The following ZNF718 variants were observed in gnomAD, a reference collection of about 807,000 sequenced individuals.
The protein encoded by ZNF718 is zinc finger protein 718.
In ZNF718, 3 loss-of-function variants were observed where a neutral mutation model predicts 2.6. The observed-to-expected ratio is 1.16, with a 90% confidence interval of 0.53 to 3.01. ZNF718 has a LOEUF of 3.01. Ranked by LOEUF, ZNF718 falls within the 30% of genes most tolerant of loss-of-function variation. The pLI, the probability that ZNF718 is intolerant of heterozygous loss-of-function variation, is 0.03. For missense variants in ZNF718, 468 were observed against 230.0 expected (o/e 2.03, Z -6.69); for synonymous variants, 135 against 77.9 (o/e 1.73, Z -3.86).
At chr4:170,547 C>A (rs929844548) in intron 3 of ZNF718, among the ~76,000 whole-genome samples, 1 of 151,848 alleles carries the variant, frequency 6.6e-6, no homozygotes, top group Non-Finnish European at 1.5e-5. Context: ...TTGTTTGTTT[C>A]TTTTTATTCT....
chr4:153,743 A>G (rs1716441188), intron 3 of ZNF718, among the ~76,000 whole-genome samples: 1 of 152,216 alleles, frequency 6.6e-6, no homozygotes, highest in Admixed American at 6.5e-5. Context: ...GCTCAACACA[A>G]GAAGGGCCAC....
intron 3 of ZNF718, among the ~76,000 whole-genome samples, chr4:198,575 A>G (rs1332166129): frequency 5.9e-5 from 9 of 152,182 alleles, no homozygotes; most frequent in African/African-American, 1.4e-4. Flanking sequence ...GGGAAGGGAA[A>G]GTTACCAGGA....
intron 3 of ZNF718, among the ~76,000 whole-genome samples, chr4:187,271 A>G (rs1044979013): frequency 6.6e-6 from 1 of 151,882 alleles, no homozygotes; most frequent in Non-Finnish European, 1.5e-5. Flanking sequence ...CTGTAGCCCA[A>G]GCTGGAGTGC....
At chr4:175,689 T>A (rs2108811691) in intron 3 of ZNF718, among the ~76,000 whole-genome samples, 1 of 152,296 alleles carries the variant, frequency 6.6e-6, no homozygotes, top group South Asian at 2.1e-4. Flanking sequence ...TTTTGATGTT[T>A]ATATTACAAG....
At chr4:182,382 A>C (rs1193144630) in intron 3 of ZNF718, among the ~76,000 whole-genome samples, 1 of 151,480 alleles carries the variant, frequency 6.6e-6, no homozygotes, top group Non-Finnish European at 1.5e-5. Context: ...ATGATATCTC[A>C]TTGTAGTTTT....
intron 3 of ZNF718, among the ~76,000 whole-genome samples, chr4:178,623 T>C (rs1242342548): frequency 6.6e-6 from 1 of 152,198 alleles, no homozygotes; most frequent in African/African-American, 2.4e-5. Flanking sequence ...GGGATTTTGC[T>C]TTGCATTTCT....
At chr4:135,610 C>G (rs575719535) in intron 3 of ZNF718, among the ~76,000 whole-genome samples, 2 of 151,538 alleles carry the variant, frequency 1.3e-5, no homozygotes, top group Admixed American at 6.6e-5. Flanking sequence ...CCCAGCTTGA[C>G]GGTTTAGCTT....
At position 161,587 on chromosome 4, in the gene ZNF718, A is replaced by G. The variant is rs782020741; in HGVS notation, c.902A>G (p.His301Arg). Residue 301 changes from histidine to arginine, a missense_variant, in exon 4 of 4, where the codon CAT (histidine) becomes CGT (arginine). His to Arg is a conservative substitution (Grantham distance 29). Transcript: ENST00000510175. ...AAGTGGTCCTCATCCCTTAATGAAC[A>G]TAAGAGAATTCATGCTGGAGAGAAA... The part of the protein sequence containing the change: ...AFKWSSSLNE[H>R]KRIHAGEKPF... 2.6e-6 allele frequency: 2 copies of G among 780,928 alleles called. No homozygotes were observed. The highest frequency in any genetic ancestry group is 1.7e-5 in the Admixed American group (1 of 59,022). The allele number at this position is 780,928 out of a possible 1,614,324, so 48.4% of individuals were successfully genotyped here.
At chr4:147,737 G>A (rs990234884) in intron 3 of ZNF718, among the ~76,000 whole-genome samples, 33 of 152,120 alleles carry the variant, frequency 2.2e-4, no homozygotes, top group Admixed American at 1.6e-3. Context: ...GGCAGTGTGC[G>A]CCTGTAGCCC....
chr4:188,127 C>T (rs971995432), intron 3 of ZNF718, among the ~76,000 whole-genome samples: 3 of 152,222 alleles, frequency 2.0e-5, no homozygotes, highest in Non-Finnish European at 2.9e-5. Flanking sequence ...GCTAAGGTAG[C>T]AGCCCATCTT....
chr4:142,535 C>T (rs1553810432), intron 3 of ZNF718, among the ~76,000 whole-genome samples: 2 of 152,224 alleles, frequency 1.3e-5, no homozygotes, highest in African/African-American at 4.8e-5. Context: ...GAGGCCTTCA[C>T]TCTTCTAGAG....
intron 3 of ZNF718, among the ~76,000 whole-genome samples, chr4:173,625 T>C (rs188761622): frequency 1.2e-4 from 19 of 152,294 alleles, no homozygotes; most frequent in Admixed American, 1.2e-3. Flanking sequence ...CAAAGGATAC[T>C]TCTGTTAAAT....
chr4:196,979 G>T (rs894394900), intron 3 of ZNF718, among the ~76,000 whole-genome samples: 2 of 146,720 alleles, frequency 1.4e-5, no homozygotes, highest in Non-Finnish European at 3.0e-5. Flanking sequence ...GCGGGTCTTT[G>T]TTCTTAGAGC....
Position 161,227 on chromosome 4 carries a change from A to C in ZNF718, c.542A>C (p.His181Pro). The stretch of plus-strand genomic sequence containing the variant: ...TGTAAAGAATGTGGCAAATCATTTC[A>C]CGTGCTCTCACGCCTAACTCAACAC... ...FKCKECGKSF[H>P]VLSRLTQHKR... Residue 181 changes from histidine to proline, a missense_variant, in exon 4 of 4, where the codon CAC (histidine) becomes CCC (proline). Coordinates refer to ENST00000510175, the MANE Select transcript of ZNF718 (RefSeq NM_001039127.6). 1 of 775,510 alleles carries C rather than the reference A, an allele frequency of 1.3e-6. No individual in the cohort carries two copies. Among genetic ancestry groups the C allele is most frequent in the Non-Finnish European group, 2.4e-6 (1 of 416,362 alleles). The allele number at this position is 775,510 out of a possible 1,614,324, so 48.0% of individuals were successfully genotyped here. A position where few individuals can be genotyped will look rare whatever the true frequency, so the allele number is the denominator to read the frequency against.
Position 161,783 on chromosome 4 carries a change from C to G in ZNF718, c.1098C>G (p.Pro366=), listed in dbSNP as rs781822369. The stretch of plus-strand genomic sequence containing the variant: ...AGAGAATCCATACTGGAGAGAAACC[C>G]TACACATGTGAAGAATGTGGAAAAG... ...THKRIHTGEK[P]YTCEECGKAF... Residue 366 remains proline (P), a synonymous_variant, in exon 4 of 4, where the codon CCC becomes CCG. Coordinates refer to ENST00000510175, the MANE Select transcript of ZNF718 (RefSeq NM_001039127.6). The G allele has an allele frequency of 1.3e-6, 1 of 780,730 alleles. No homozygotes were observed. The highest frequency in any genetic ancestry group is 2.4e-6 in the Non-Finnish European group (1 of 417,974). The allele number at this position is 780,730 out of a possible 1,614,324, so 48.4% of individuals were successfully genotyped here.
At position 161,202 on chromosome 4, in the gene ZNF718, T is replaced by C; in HGVS notation, c.517T>C (p.Cys173Arg). 3.9e-6 allele frequency: 3 copies of C among 771,882 alleles called. No individual in the cohort carries two copies. Among genetic ancestry groups the C allele is most frequent in the Non-Finnish European group, 7.2e-6 (3 of 414,968 alleles). 47.8% of individuals were successfully genotyped at this position (771,882 alleles called of 1,614,324 possible). A position where few individuals can be genotyped will look rare whatever the true frequency, so the allele number is the denominator to read the frequency against. The change falls in exon 4 of 4, where the codon TGT (cysteine) becomes CGT (arginine). Residue 173 changes from cysteine to arginine, a missense_variant. Physicochemically the swap from Cys to Arg is radical, Grantham distance 180 (BLOSUM62 -3). Coordinates refer to ENST00000510175, the MANE Select transcript of ZNF718 (RefSeq NM_001039127.6). Reference sequence around the variant, plus strand: ...ATATACTGGAGATAAAACCTTTAAATGTAAAGAATGTGGCAAATCATTTCA... The same window carrying C: ...ATATACTGGAGATAAAACCTTTAAACGTAAAGAATGTGGCAAATCATTTCA... ...IRYTGDKTFKCKECGKSFHVL... is the reference protein window; with the variant it reads ...IRYTGDKTFKRKECGKSFHVL...
chr4:190,669 A>G (rs966261833), intron 3 of ZNF718, among the ~76,000 whole-genome samples: 57 of 152,192 alleles, frequency 3.7e-4, no homozygotes, highest in African/African-American at 1.3e-3. Flanking sequence ...GAATTAGTGT[A>G]AAAGCAGAAA....
In ZNF718 at chr4:161,421, A is replaced by G. The variant is rs868985647; in HGVS notation, c.736A>G (p.Lys246Glu). ...TCGGTCCTCACACCTTACTAAACAT[A>G]AGAGAATTCATACTGGAGAGAAACC... ...FTRSSHLTKH[K>E]RIHTGEKPYI... is the part of the protein sequence containing the mutation. Residue 246 changes from lysine to glutamate, a missense_variant, in exon 4 of 4, where the codon AAG (lysine) becomes GAG (glutamate). Coordinates refer to ENST00000510175, the MANE Select transcript of ZNF718 (RefSeq NM_001039127.6). 1 of 780,602 alleles carries G rather than the reference A, an allele frequency of 1.3e-6. No homozygotes were observed. The highest frequency in any genetic ancestry group is 1.7e-5 in the Admixed American group (1 of 58,978). The allele number at this position is 780,602 out of a possible 1,614,324, so 48.4% of individuals were successfully genotyped here.
At chr4:179,983 G>A (rs573228058) in intron 3 of ZNF718, among the ~76,000 whole-genome samples, 1 of 151,658 alleles carries the variant, frequency 6.6e-6, no homozygotes, top group Non-Finnish European at 1.5e-5. Flanking sequence ...GAAAGGGAGA[G>A]AAAAAGAAAC....
Sources: gnomAD v4.1 joint callset for allele counts (sites outside exome capture counted in the v4.1 genomes callset) on GRCh38, gnomAD v4.1.1 for gene constraint, MANE v1.5 for transcripts, NCBI Gene and HGNC (gene_info 2026-07-23, HGNC 2026-07-21) for gene names.